TUSC3: variants seen among roughly 807,000 people sequenced by gnomAD.
TUSC3 encodes the protein tumor suppressor candidate 3.
Under a neutral mutation model 44.8 loss-of-function variants are expected in TUSC3, and 45 were observed. The ratio of observed to expected loss-of-function variants is 1.00; its 90% confidence interval spans 0.79 to 1.29. The LOEUF is 1.29. Among genes scored for constraint, TUSC3 ranks in the 50% most tolerant of loss-of-function variants. The pLI, the probability that TUSC3 is intolerant of heterozygous loss-of-function variation, is 0.00. For synonymous variants in TUSC3, 212 were observed against 152.9 expected (o/e 1.39, Z -2.85); for missense variants, 519 against 437.9 (o/e 1.19, Z -1.65).
chr8:15,563,488 A>G (rs1287408153), intron 1 of TUSC3, among the ~76,000 whole-genome samples: 1 of 151,882 alleles, frequency 6.6e-6, no homozygotes, highest in African/African-American at 2.4e-5. Context: ...GAGTTTGAGA[A>G]CAGCCTGGCC....
intron 2 of TUSC3, among the ~76,000 whole-genome samples, chr8:15,504,876 T>C (rs960212806): frequency 4.6e-5 from 7 of 151,624 alleles, no homozygotes; most frequent in African/African-American, 1.7e-4. Context: ...ATGGTCTCCA[T>C]CTCCTAACAT....
chr8:15,681,219 T>TC (rs1454716452), intron 6 of TUSC3, among the ~76,000 whole-genome samples: 1 of 8,464 alleles, frequency 1.2e-4, no homozygotes, highest in Admixed American at 7.9e-4. Flanking sequence ...TCCGTCCTCC[T>TC]TTTTTTTTGG....
chr8:15,822,078 T>C, the TUSC3 span, among the ~76,000 whole-genome samples: 6 of 152,156 alleles, frequency 3.9e-5, no homozygotes, highest in African/African-American at 1.4e-4. Context: ...GTGAATCAGA[T>C]ACTGAGTAGG....
At chr8:15,844,352 A>G in the TUSC3 span, among the ~76,000 whole-genome samples, 3 of 152,284 alleles carry the variant, frequency 2.0e-5, no homozygotes, top group South Asian at 2.1e-4. Flanking sequence ...CTTTCAAAGT[A>G]TCAAAGGACA....
Position 15,528,025 on chromosome 8 carries a change from C to A in TUSC3, n.189+44542C>A, listed in dbSNP as rs918833332. On this transcript the variant is annotated intron_variant and non_coding_transcript_variant, in intron 2 of 5. Coordinates refer to the TUSC3 transcript ENST00000503191. ...TTTAGCACAGATAAATATTCTTTGACATATTTCCTTATAAAGAATTTAGTC... is the reference window on the plus strand; with the variant it reads ...TTTAGCACAGATAAATATTCTTTGAAATATTTCCTTATAAAGAATTTAGTC... 3.9e-5 allele frequency among the ~76,000 whole-genome samples: 6 copies of A among 152,128 alleles called. No homozygotes were observed. The East Asian group carries it at 7.7e-4, about 20-fold the overall frequency.
At chr8:15,446,603 T>C (rs1800106881) in intron 1 of TUSC3, among the ~76,000 whole-genome samples, 1 of 151,544 alleles carries the variant, frequency 6.6e-6, no homozygotes, top group Non-Finnish European at 1.5e-5. Context: ...GGCGGGCGCC[T>C]GCAATCCCAG....
chr8:15,437,812 A>G (rs7816558), intron 1 of TUSC3, among the ~76,000 whole-genome samples: 24,662 of 152,088 alleles, frequency 0.16, 2,072 homozygotes, highest in Middle Eastern at 0.22. Flanking sequence ...GTCATGCCTT[A>G]AGGACTCAGA....
chr8:15,822,052 C>T, the TUSC3 span, among the ~76,000 whole-genome samples: 1 of 152,032 alleles, frequency 6.6e-6, no homozygotes, highest in Non-Finnish European at 1.5e-5. Flanking sequence ...CCCTTAAAAT[C>T]CAGCAGAAGT....
the TUSC3 span, among the ~76,000 whole-genome samples, chr8:15,800,622 G>A: frequency 6.6e-6 from 1 of 151,754 alleles, no homozygotes; most frequent in Non-Finnish European, 1.5e-5. Flanking sequence ...CTAGGGATGA[G>A]CAGATTTCAG....
intron 6 of TUSC3, among the ~76,000 whole-genome samples, chr8:15,714,079 T>G (rs988758706): frequency 6.6e-6 from 1 of 152,144 alleles, no homozygotes; most frequent in African/African-American, 2.4e-5. Context: ...TAAGAACAAC[T>G]TATAGTAACA....
chr8:15,807,394 G>T, the TUSC3 span: 1 of 289,974 alleles, frequency 3.4e-6, no homozygotes, highest in South Asian at 4.3e-5. Flanking sequence ...AGAAGGCAAT[G>T]CTTATACACT....
intron 1 of TUSC3, among the ~76,000 whole-genome samples, chr8:15,475,015 C>G (rs1012667785): frequency 6.6e-6 from 1 of 152,034 alleles, no homozygotes; most frequent in Non-Finnish European, 1.5e-5. Context: ...ATTACCTTTC[C>G]AAATGTTTTG....
At chr8:15,674,251 T>G (rs1033478210) in intron 6 of TUSC3, among the ~76,000 whole-genome samples, 3 of 151,992 alleles carry the variant, frequency 2.0e-5, no homozygotes, top group Non-Finnish European at 4.4e-5. Flanking sequence ...GGTCATTGTA[T>G]TAGAATGTTA....
At chr8:15,737,751 C>G (rs1308604437) in intron 7 of TUSC3, among the ~76,000 whole-genome samples, 9 of 152,120 alleles carry the variant, frequency 5.9e-5, no homozygotes, top group Non-Finnish European at 1.3e-4. Flanking sequence ...GACGTAGAAT[C>G]TTTTCAGATT....
the TUSC3 span, among the ~76,000 whole-genome samples, chr8:15,840,703 T>A: frequency 6.6e-6 from 1 of 152,166 alleles, no homozygotes; most frequent in African/African-American, 2.4e-5. Flanking sequence ...AAAAACACTT[T>A]TAGCCTGTTT....
chr8:15,612,544 A>G (rs1422828698), intron 1 of TUSC3, among the ~76,000 whole-genome samples: 1 of 152,218 alleles, frequency 6.6e-6, no homozygotes, highest in Non-Finnish European at 1.5e-5. Context: ...AGACTGGTAT[A>G]TAGATTATGC....
intron 2 of TUSC3, among the ~76,000 whole-genome samples, chr8:15,517,562 C>G (rs1454715991): frequency 8.6e-6 from 1 of 116,524 alleles, no homozygotes; most frequent in African/African-American, 3.6e-5. Context: ...AAAAAGCCCA[C>G]AACATTCACA....
At chr8:15,702,545 T>C (rs1385619677) in intron 6 of TUSC3, among the ~76,000 whole-genome samples, 1 of 152,124 alleles carries the variant, frequency 6.6e-6, no homozygotes, top group Non-Finnish European at 1.5e-5. Flanking sequence ...ACTCTCTTTC[T>C]AGGCAACCTG....
downstream of TUSC3, among the ~76,000 whole-genome samples, chr8:15,769,307 A>C (rs1365951670): frequency 6.6e-6 from 1 of 152,186 alleles, no homozygotes; most frequent in African/African-American, 2.4e-5. Context: ...TCTTTCACAA[A>C]CTTGACAAAA....
Sources: gnomAD v4.1 joint callset for allele counts (sites outside exome capture counted in the v4.1 genomes callset) on GRCh38, gnomAD v4.1.1 for gene constraint, MANE v1.5 for transcripts, NCBI Gene and HGNC (gene_info 2026-07-23, HGNC 2026-07-21) for gene names.